The following ARHGEF33 variants were observed in gnomAD, a reference collection of about 807,000 sequenced individuals.
ARHGEF33 encodes the protein DH and coiled-coil domain-containing protein ENSP00000381780.
In ARHGEF33, 72 loss-of-function variants were observed where a neutral mutation model predicts 101.9. The ratio of observed to expected loss-of-function variants is 0.71; its 90% CI spans 0.58 to 0.86. ARHGEF33 has a LOEUF of 0.86. Ranked by LOEUF, ARHGEF33 falls within the 40% of genes least tolerant of loss-of-function variation. The pLI, the probability that ARHGEF33 is intolerant of heterozygous loss-of-function variation, is 0.00. For missense variants in ARHGEF33, 1,169 were observed against 1,111.3 expected, an observed-to-expected ratio of 1.05 and a Z score of -0.74; for synonymous variants, 499 against 442.5, an observed-to-expected ratio of 1.13 and a Z score of -1.60.
At chr2:38,954,614 C>T (rs1224800612) in intron 13 of ARHGEF33, among the ~76,000 whole-genome samples, 158 bp downstream of exon 13, 1 of 149,888 alleles carries the variant, frequency 6.7e-6, no homozygotes. Context: ...CCATAATACC[C>T]TGTGGTATGA....
At chr2:38,922,642 C>T (rs79229305) in intron 4 of ARHGEF33, among the ~76,000 whole-genome samples, 1,586 of 152,272 alleles carry the variant, frequency 0.01, 34 homozygotes, top group East Asian at 0.062. Flanking sequence ...ACTGCTTGGC[C>T]TCATGGCAGA....
chr2:38,932,947 A>C (rs879668784), intron 7 of ARHGEF33, among the ~76,000 whole-genome samples: 71 of 152,352 alleles, frequency 4.7e-4, no homozygotes, highest in Middle Eastern at 3.4e-3. Flanking sequence ...GACATTCTGC[A>C]CATACTTGGT....
intron 10 of ARHGEF33, among the ~76,000 whole-genome samples, chr2:38,950,700 T>C (rs1667577965): frequency 6.6e-6 from 1 of 152,192 alleles, no homozygotes; most frequent in African/African-American, 2.4e-5. Context: ...TCCGCCCAAC[T>C]CCCAAAGTGC....
At chr2:38,944,905 G>A (rs903463659) in intron 10 of ARHGEF33, among the ~76,000 whole-genome samples, 30 of 151,814 alleles carry the variant, frequency 2.0e-4, no homozygotes, top group Admixed American at 1.3e-3. Context: ...GTGTGTGCGC[G>A]CTCATAGGGT....
rs754432158 is a variant in ARHGEF33 at position 38,960,064 on chromosome 2, C to T, written c.1759C>T (p.Pro587Ser). ...GGACTTCGAGTCCTCTCCGGCGGAG[C>T]CGCTGGGCAACGTGGAGCGCTCCCT... ...EMDFESSPAE[P>S]LGNVERSLRA... Residue 587 changes from proline (P) to serine (S), a missense_variant, in exon 16 of 18, where the codon CCG becomes TCG. Physicochemically the swap from Pro to Ser is moderately conservative, Grantham distance 74 (BLOSUM62 -1). Coordinates refer to ENST00000409978, the MANE Select transcript of ARHGEF33 (RefSeq NM_001145451.5). 3.2e-6 allele frequency: 5 copies of T among 1,542,124 alleles called. No individual in the cohort carries two copies. The South Asian group carries it at 6.0e-5, about 18-fold the overall frequency.
Position 38,929,793 on chromosome 2 carries a change from C to A in ARHGEF33, c.325C>A (p.Gln109Lys), listed in dbSNP as rs1406232659. ...GCAACAGAAAATCGAGCAGCTTCAA[C>A]AGGAGAAGCGAAGAGAATCTCGAAA... ...EMQQKIEQLQ[Q>K]EKRRESRKVK... is the part of the protein sequence containing the mutation. The change falls in exon 6 of 18, where the codon CAG (glutamine) becomes AAG (lysine). Residue 109 changes from glutamine to lysine, a missense_variant. Transcript: ENST00000409978. 1.3e-6 allele frequency: 2 copies of A among 1,551,460 alleles called. No homozygotes were observed. Among genetic ancestry groups the A allele is most frequent in the Non-Finnish European group, 1.7e-6 (2 of 1,146,796 alleles).
At chr2:38,913,431 G>A (rs762783650) in intron 2 of ARHGEF33, among the ~76,000 whole-genome samples, 1 of 151,986 alleles carries the variant, frequency 6.6e-6, no homozygotes, top group Non-Finnish European at 1.5e-5. Context: ...CTTCCAATTC[G>A]TTATGGCTAA....
intron 9 of ARHGEF33, 61 bp from the exon 10 acceptor site, chr2:38,943,840 A>C (rs1343052112): frequency 1.3e-6 from 2 of 1,483,456 alleles, no homozygotes; most frequent in African/African-American, 2.8e-5. Context: ...TATTGCTTGC[A>C]TTTAATGGGA....
chr2:38,890,775 C>A (rs1665979452), intron 1 of ARHGEF33, among the ~76,000 whole-genome samples: 2 of 152,108 alleles, frequency 1.3e-5, no homozygotes, highest in Non-Finnish European at 2.9e-5. Context: ...TTGAAGGCTA[C>A]TTCTGAAGGA....
chr2:38,972,094 C>G (rs1668177510), intron 17 of ARHGEF33: 2 of 639,268 alleles, frequency 3.1e-6, no homozygotes, highest in Admixed American at 2.6e-5. Flanking sequence ...TGTGGGGGAA[C>G]AAGAAGAAAT....
chr2:38,894,716 C>G (rs3099957), intron 1 of ARHGEF33, among the ~76,000 whole-genome samples: 33,718 of 152,110 alleles, frequency 0.22, 4,693 homozygotes, highest in Non-Finnish European at 0.3. Context: ...AGGAGACTTC[C>G]CAGTGGTCAC....
At chr2:38,930,098 T>C (rs189926221) in intron 6 of ARHGEF33, among the ~76,000 whole-genome samples, 19 of 152,352 alleles carry the variant, frequency 1.2e-4, no homozygotes, top group East Asian at 1.9e-4. Flanking sequence ...TGTAAAAATA[T>C]GTAAAATAAC....
intron 16 of ARHGEF33, 108 bp downstream of exon 16, chr2:38,960,756 C>A: frequency 3.2e-6 from 3 of 932,750 alleles, no homozygotes; most frequent in African/African-American, 1.8e-5. Context: ...CCGGGCCAGG[C>A]TAGGGGGCGG....
chr2:38,959,714 T>G, intron 15 of ARHGEF33, 127 bp from the exon 16 acceptor site: 1 of 1,071,558 alleles, frequency 9.3e-7, no homozygotes, highest in Non-Finnish European at 1.3e-6. Flanking sequence ...TAGTGGAAGT[T>G]TGTGGAGCTC....
chr2:38,943,240 C>G (rs577724084), intron 9 of ARHGEF33, among the ~76,000 whole-genome samples: 3 of 152,270 alleles, frequency 2.0e-5, no homozygotes, highest in Admixed American at 6.5e-5. Context: ...TAGCTGACCT[C>G]TTTGTGTCAG....
Position 38,958,167 on chromosome 2 carries a change from C to G in ARHGEF33, c.1504C>G (p.Pro502Ala). 7 of 1,551,756 alleles carry G rather than the reference C, an allele frequency of 4.5e-6. No homozygotes were observed. The highest frequency in any genetic ancestry group is 6.1e-6 in the Non-Finnish European group (7 of 1,147,022). ...CTCAGAAGAGTTGCTGCAACCCTACCCTTCTGCTCCCAGTTCTGGCCCTGC... is the reference window on the plus strand; with the variant it reads ...CTCAGAAGAGTTGCTGCAACCCTACGCTTCTGCTCCCAGTTCTGGCCCTGC... ...IHSEELLQPYPSAPSSGPAIT... is the reference protein window; with the variant it reads ...IHSEELLQPYASAPSSGPAIT... The change falls in exon 15 of 18, where the codon CCT becomes GCT. Residue 502 changes from proline (P) to alanine (A), a missense_variant. Coordinates refer to ENST00000409978, the MANE Select transcript of ARHGEF33 (RefSeq NM_001145451.5).
chr2:38,907,666 G>T (rs538368956), intron 2 of ARHGEF33, among the ~76,000 whole-genome samples: 2 of 152,272 alleles, frequency 1.3e-5, no homozygotes, highest in South Asian at 2.1e-4. Context: ...GGACTGGAGG[G>T]AGTTGTCTCT....
At chr2:38,936,087 G>A (rs1046069879) in intron 8 of ARHGEF33, among the ~76,000 whole-genome samples, 1 of 152,194 alleles carries the variant, frequency 6.6e-6, no homozygotes, top group African/African-American at 2.4e-5. Context: ...TTATTTCAAT[G>A]ACTAATAAAT....
Position 38,957,069 on chromosome 2 carries a change from C to A in ARHGEF33, c.1370+22C>A, listed in dbSNP as rs1389479358. 2.6e-6 allele frequency: 4 copies of A among 1,551,300 alleles called. No homozygotes were observed. The Admixed American group carries it at 7.8e-5, about 30-fold the overall frequency. On this transcript the variant is annotated intron_variant, in intron 14 of 17. Transcript: ENST00000409978. ...AGAAGTAAGGTTCTGATGGTGTGGTCTAGAGGGTCGAAGACCAGTTACTAT... is the reference window on the plus strand; with the variant it reads ...AGAAGTAAGGTTCTGATGGTGTGGTATAGAGGGTCGAAGACCAGTTACTAT...
Sources: allele counts gnomAD v4.1 joint callset (sites outside exome capture counted in the v4.1 genomes callset), GRCh38; gene constraint gnomAD v4.1.1; transcripts MANE v1.5; gene names NCBI Gene and HGNC (gene_info 2026-07-23, HGNC 2026-07-21).